The following SNX15 variants were observed in gnomAD, a reference collection of about 807,000 sequenced individuals.
SNX15 encodes the protein sorting nexin-15.
A neutral mutation model predicts 35.2 loss-of-function variants in SNX15; 29 were observed. The observed-to-expected ratio is 0.82, with a 90% CI of 0.61 to 1.12. SNX15 has a LOEUF of 1.12. SNX15 is among the 50% of genes most tolerant of loss of function. The pLI, the probability that SNX15 is intolerant of heterozygous loss-of-function variation, is 0.00. For synonymous variants in SNX15, 189 were observed against 188.2 expected, an observed-to-expected ratio of 1.00 and a Z score of -0.03; for missense variants, 400 against 451.5, an observed-to-expected ratio of 0.89 and a Z score of 1.03.
chr11:65,027,554 A>C lies in SNX15; in HGVS notation c.17A>C (p.Lys6Thr), dbSNP rs201669379. 1.2e-6 allele frequency: 2 copies of C among 1,614,040 alleles called. No individual in the cohort carries two copies. Among genetic ancestry groups the C allele is most frequent in the Non-Finnish European group, 1.7e-6 (2 of 1,179,992 alleles). MSRQA[K>T]DDFLRHYTVS... ...CTCGGTTTCATGTCCCGCCAGGCGA[A>C]GGATGACTTCCTGCGGCACTACACA... Residue 6 changes from lysine (K) to threonine (T), a missense_variant, in exon 1 of 8, where the codon AAG (lysine) becomes ACG (threonine). Physicochemically the swap from Lys to Thr is moderately conservative, Grantham distance 78 (BLOSUM62 -1). Coordinates refer to ENST00000377244, the MANE Select transcript of SNX15 (RefSeq NM_013306.5).
intron 5 of SNX15, 100 bp from the exon 6 acceptor site, chr11:65,035,420 A>G (rs926354939): frequency 5.1e-6 from 7 of 1,376,216 alleles, no homozygotes; most frequent in Non-Finnish European, 5.9e-6. Flanking sequence ...AGGCTTGTCT[A>G]TGCCCATGGT....
At position 65,039,869 on chromosome 11, in the gene SNX15, C is replaced by A; in HGVS notation, c.*77C>A. The A allele has an allele frequency of 2.2e-6, 2 of 927,712 alleles. No individual in the cohort carries two copies. Among genetic ancestry groups the A allele is most frequent in the Non-Finnish European group, 3.4e-6 (2 of 596,358 alleles). 57.5% of individuals were successfully genotyped at this position (927,712 alleles called of 1,614,324 possible). A position where few individuals can be genotyped will look rare whatever the true frequency, so the allele number is the denominator to read the frequency against. ...CTCCTCTCCCCAGGGCCTGGCCCTA[C>A]CTCCTGGTCTTGTAATTACAGGAGC... On this transcript the variant is annotated 3_prime_UTR_variant, in exon 8 of 8. Transcript: ENST00000377244.
At chr11:65,035,441 G>A in intron 5 of SNX15, 79 bp from the exon 6 acceptor site, 2 of 1,480,466 alleles carry the variant, frequency 1.4e-6, no homozygotes, top group Non-Finnish European at 1.8e-6. Context: ...TGCTGCAAGG[G>A]TTTAAGGAGA....
In SNX15 at chr11:65,027,487, G is replaced by C; in HGVS notation, c.-51G>C. ...GGCGGAGGCTGGGCCGGAGGGGTGG[G>C]GACGGCGAGGAGGTGGAGGCCGGCG... is the stretch of plus-strand genomic sequence containing the variant. On this transcript the variant is annotated 5_prime_UTR_variant, in exon 1 of 8. Transcript: ENST00000377244. The C allele has an allele frequency of 6.8e-7, 1 of 1,462,364 alleles. No homozygotes were observed. Among genetic ancestry groups the C allele is most frequent in the Non-Finnish European group, 9.6e-7 (1 of 1,043,314 alleles). The allele number at this position is 1,462,364 out of a possible 1,614,324, so 90.6% of individuals were successfully genotyped here.
Position 65,039,849 on chromosome 11 carries a change from C to A in SNX15, c.*57C>A. The A allele has an allele frequency of 2.5e-6, 3 of 1,210,384 alleles. No homozygotes were observed. Among genetic ancestry groups the A allele is most frequent in the South Asian group, 1.3e-5 (1 of 77,686 alleles). The allele number at this position is 1,210,384 out of a possible 1,614,324, so 75.0% of individuals were successfully genotyped here. A position where few individuals can be genotyped will look rare whatever the true frequency, so the allele number is the denominator to read the frequency against. ...TCCTGCACTGCCAGCCCCTTCTCCT[C>A]TCCCCAGGGCCTGGCCCTACCTCCT... On this transcript the variant is annotated 3_prime_UTR_variant, in exon 8 of 8. Transcript: ENST00000377244.
chr11:65,038,376 A>T (rs1203878923), intron 6 of SNX15, 196 bp from the exon 7 acceptor site: 1 of 1,124,502 alleles, frequency 8.9e-7, no homozygotes, highest in African/African-American at 1.6e-5. Context: ...GTTTTTACAG[A>T]AGCACATGAA....
Position 65,038,562 on chromosome 11 carries a change from C to T in SNX15, c.665-10C>T. 1 of 1,521,896 alleles carries T rather than the reference C, an allele frequency of 6.6e-7. No homozygotes were observed. The highest frequency in any genetic ancestry group is 8.8e-7 in the Non-Finnish European group (1 of 1,137,022). The allele number at this position is 1,521,896 out of a possible 1,614,324, so 94.3% of individuals were successfully genotyped here. ...CCAGTCTGGTCCGAGTCCTCCCTTT[C>T]TAACTGCAGAAGGCGCAGCCCCCAG... On this transcript the variant is annotated splice_polypyrimidine_tract_variant and intron_variant, in intron 6 of 7. Coordinates refer to ENST00000377244, the MANE Select transcript of SNX15 (RefSeq NM_013306.5).
chr11:65,035,554 C>A lies in SNX15; in HGVS notation c.555C>A (p.Ala185=), dbSNP rs760901708. ...CACCATCCAGCCCTGCCCAGGAGGC[C>A]CTGGATCTCCTCTTTAACTGTGAGA... ...DPPPSSPAQE[A]LDLLFNCEST... is the part of the protein sequence containing the mutation. Residue 185 remains alanine, a synonymous_variant, in exon 6 of 8, where the codon GCC becomes GCA. Transcript: ENST00000377244. 1 of 1,613,544 alleles carries A rather than the reference C, an allele frequency of 6.2e-7. No individual in the cohort carries two copies. Among genetic ancestry groups the A allele is most frequent in the Non-Finnish European group, 8.5e-7 (1 of 1,179,718 alleles).
At chr11:65,038,454 G>A (rs931538044) in intron 6 of SNX15, 118 bp from the exon 7 acceptor site, 1 of 1,313,336 alleles carries the variant, frequency 7.6e-7, no homozygotes, top group Non-Finnish European at 1.0e-6. Flanking sequence ...CTCTGGCATT[G>A]GTCCCCTCTA....
Position 65,035,187 on chromosome 11 carries a change from C to T in SNX15, c.501C>T (p.Leu167=), listed in dbSNP as rs565529630. The change falls in exon 5 of 8, where the codon CTC becomes CTT. Residue 167 remains leucine, a synonymous_variant. Transcript: ENST00000377244. ...TGCTCCCTGCAGAAAGGAGGGGCCT[C>T]GAGGAATTGGAGGTGCCAGGTACAT... is the stretch of plus-strand genomic sequence containing the variant. ...SQLLPAERRG[L]EELEVPVDPP... 7.5e-6 allele frequency: 12 copies of T among 1,590,582 alleles called. No individual in the cohort carries two copies. The highest frequency in any genetic ancestry group is 1.8e-5 in the Admixed American group (1 of 55,112).
At chr11:65,028,102 A>G (rs1328875065) in intron 1 of SNX15, among the ~76,000 whole-genome samples, 2 of 152,246 alleles carry the variant, frequency 1.3e-5, no homozygotes, top group South Asian at 2.1e-4. Context: ...TGCAGTTCAG[A>G]AGGACTTAAG....
At chr11:65,033,560 A>T (rs1393769348) in intron 3 of SNX15, among the ~76,000 whole-genome samples, 2 of 152,006 alleles carry the variant, frequency 1.3e-5, no homozygotes, top group African/African-American at 2.4e-5. Context: ...AAAAAAAAAA[A>T]AAAAATTGTT....
chr11:65,038,888 G>C, intron 7 of SNX15, 59 bp downstream of exon 7: 1 of 1,405,378 alleles, frequency 7.1e-7, no homozygotes, highest in Non-Finnish European at 9.4e-7. Context: ...CAGTGATGAA[G>C]GGAGCAAAAA....
At chr11:65,038,540 G>A (rs572444822) in intron 6 of SNX15, 32 bp from the exon 7 acceptor site, 7 of 1,510,938 alleles carry the variant, frequency 4.6e-6, no homozygotes, top group Admixed American at 4.6e-5. Context: ...GGAAGGGCCA[G>A]TCTGGTCCGA....
chr11:65,035,173 G>A lies in SNX15; in HGVS notation c.487G>A (p.Glu163Lys). 6.3e-7 allele frequency: 1 copy of A among 1,590,248 alleles called. No individual in the cohort carries two copies. The highest frequency in any genetic ancestry group is 8.5e-7 in the Non-Finnish European group (1 of 1,170,378). The change falls in exon 5 of 8, where the codon GAA becomes AAA. Residue 163 changes from glutamate (E) to lysine (K), a missense_variant. Transcript: ENST00000377244. ...CCGGCTATCCCAACTGCTCCCTGCAGAAAGGAGGGGCCTCGAGGAATTGGA... is the reference window on the plus strand; with the variant it reads ...CCGGCTATCCCAACTGCTCCCTGCAAAAAGGAGGGGCCTCGAGGAATTGGA... ...DPRLSQLLPA[E>K]RRGLEELEVP...
chr11:65,032,056 C>A (rs1176500271), intron 1 of SNX15, 112 bp from the exon 2 acceptor site: 3 of 1,064,812 alleles, frequency 2.8e-6, no homozygotes, highest in Non-Finnish European at 2.8e-6. Context: ...AGGCCAATGG[C>A]CAAAGGCTAC....
At position 65,032,147 on chromosome 11, in the gene SNX15, GC is replaced by G. The variant is rs1386481039; in HGVS notation, c.100-20del. The G allele has an allele frequency of 6.2e-7, 1 of 1,613,780 alleles. No individual in the cohort carries two copies. The highest frequency in any genetic ancestry group is 1.3e-5 in the African/African-American group (1 of 74,946). ...AGATGGCAGTCTCTGGTCTCAACCA[GC>G]TCTTGCCTTTCTTTCTCAGTTCATC... is the stretch of plus-strand genomic sequence containing the variant. On this transcript the variant is annotated intron_variant, in intron 1 of 7. Coordinates refer to ENST00000377244, the MANE Select transcript of SNX15 (RefSeq NM_013306.5).
intron 3 of SNX15, 110 bp from the exon 4 acceptor site, chr11:65,034,737 G>A (rs764844571): frequency 5.0e-5 from 37 of 743,796 alleles, no homozygotes; most frequent in Non-Finnish European, 8.1e-5. Context: ...GGGTAGGAGG[G>A]CAGTGAGTTG....
At chr11:65,029,954 C>T (rs759814008) in intron 1 of SNX15, among the ~76,000 whole-genome samples, 1 of 152,074 alleles carries the variant, frequency 6.6e-6, no homozygotes, top group African/African-American at 2.4e-5. Flanking sequence ...TGGCATGATT[C>T]ACGTCTTACT....
Sources: gnomAD v4.1 joint callset for allele counts (sites outside exome capture counted in the v4.1 genomes callset) on GRCh38, gnomAD v4.1.1 for gene constraint, MANE v1.5 for transcripts, NCBI Gene and HGNC (gene_info 2026-07-23, HGNC 2026-07-21) for gene names.